CDH22: variants seen among roughly 807,000 people sequenced by gnomAD.
CDH22 encodes cadherin 22.
A neutral mutation model predicts 58.4 loss-of-function variants in CDH22; 30 were observed. The observed-to-expected ratio is 0.51, with a 90% CI of 0.38 to 0.70. The LOEUF is 0.70. Ranked by LOEUF, CDH22 falls within the 30% of genes least tolerant of loss-of-function variation. The pLI, the probability that CDH22 is intolerant of heterozygous loss-of-function variation, is 0.00. For missense variants in CDH22, 1,014 were observed against 1,233.9 expected (o/e 0.82, Z 2.67); for synonymous variants, 513 against 558.2 (o/e 0.92, Z 1.14).
chr20:46,210,299 G>C lies in CDH22; in HGVS notation c.1286+8C>G, dbSNP rs1412708613. On this transcript the variant is annotated splice_region_variant and intron_variant, in intron 7 of 11. Transcript: ENST00000537909. This position sits in a 1 kb window ranked among gnomAD's most constrained non-coding sequence, Gnocchi z 4.5. Reference sequence around the variant, plus strand: ...GCAGCAGGCGTCGGCCCCGGGCGGGGGTCTCACCGGACGGGCCGGTTGGCG... The same window carrying C: ...GCAGCAGGCGTCGGCCCCGGGCGGGCGTCTCACCGGACGGGCCGGTTGGCG... 2 of 1,413,284 alleles carry C rather than the reference G, an allele frequency of 1.4e-6. No homozygotes were observed. Among genetic ancestry groups the C allele is most frequent in the African/African-American group, 3.0e-5 (2 of 66,250 alleles). 87.5% of individuals were successfully genotyped at this position (1,413,284 alleles called of 1,614,324 possible). A position where few individuals can be genotyped will look rare whatever the true frequency, so the allele number is the denominator to read the frequency against.
At chr20:46,307,927 C>T (rs1330994228) in intron 1 of CDH22, among the ~76,000 whole-genome samples, 1 of 151,906 alleles carries the variant, frequency 6.6e-6, no homozygotes, top group Non-Finnish European at 1.5e-5. Flanking sequence ...GCTGCCACCC[C>T]TCGGCCCGCG....
intron 7 of CDH22, among the ~76,000 whole-genome samples, chr20:46,200,737 C>G (rs1176230555): frequency 6.6e-6 from 1 of 152,130 alleles, no homozygotes; most frequent in East Asian, 1.9e-4. Context: ...ATGGTTCGAA[C>G]CGGGAAGTGG....
chr20:46,227,165 G>C (rs1053226234), intron 4 of CDH22, among the ~76,000 whole-genome samples: 1 of 152,122 alleles, frequency 6.6e-6, no homozygotes, highest in Non-Finnish European at 1.5e-5. Context: ...GAGCTCAAAC[G>C]CCTGCTTCAA....
intron 1 of CDH22, among the ~76,000 whole-genome samples, chr20:46,280,814 A>G (rs1253689008): frequency 1.3e-5 from 2 of 152,164 alleles, no homozygotes; most frequent in African/African-American, 4.8e-5. Context: ...AGTGAATGTT[A>G]TGTCCTGCTC....
At chr20:46,224,316 G>A (rs1838896847) in intron 4 of CDH22, among the ~76,000 whole-genome samples, 1 of 152,188 alleles carries the variant, frequency 6.6e-6, no homozygotes, top group South Asian at 2.1e-4. Context: ...AGCATTCCTA[G>A]TGCCTAGCAC....
chr20:46,222,435 C>A (rs949441918), intron 4 of CDH22, among the ~76,000 whole-genome samples: 1 of 152,230 alleles, frequency 6.6e-6, no homozygotes, highest in East Asian at 1.9e-4. Flanking sequence ...ATCCTGACCC[C>A]AGGATCTGGC....
chr20:46,301,583 G>C (rs920079076), intron 1 of CDH22, among the ~76,000 whole-genome samples: 1 of 151,894 alleles, frequency 6.6e-6, no homozygotes, highest in African/African-American at 2.4e-5. Flanking sequence ...GGCCAAGGAG[G>C]GTGGACCACC....
intron 3 of CDH22, among the ~76,000 whole-genome samples, chr20:46,229,494 C>A (rs997736042): frequency 6.6e-6 from 1 of 152,170 alleles, no homozygotes; most frequent in Admixed American, 6.5e-5. Flanking sequence ...GGCACTGCCA[C>A]TTATTAGAAG....
chr20:46,207,387 C>T (rs373828352), intron 7 of CDH22, among the ~76,000 whole-genome samples: 1 of 152,118 alleles, frequency 6.6e-6, no homozygotes, highest in Non-Finnish European at 1.5e-5. Flanking sequence ...CCTCCCGCTC[C>T]GTGTTCTTAC....
chr20:46,222,289 A>G (rs1451633314), intron 4 of CDH22, among the ~76,000 whole-genome samples: 1 of 152,184 alleles, frequency 6.6e-6, no homozygotes, highest in African/African-American at 2.4e-5. Context: ...GCACACAGCA[A>G]GTGCTCAAAT....
At chr20:46,231,111 C>A (rs1328775422) in intron 3 of CDH22, among the ~76,000 whole-genome samples, 1 of 152,182 alleles carries the variant, frequency 6.6e-6, no homozygotes, top group African/African-American at 2.4e-5. Context: ...AGAAGTAGAG[C>A]TGGGACTGGT....
chr20:46,247,810 G>A lies in CDH22; in HGVS notation c.255+3230C>T, dbSNP rs559959248. Among the ~76,000 whole-genome samples the A allele has an allele frequency of 3.9e-5, 6 of 152,338 alleles. No homozygotes were observed. The South Asian group carries it at 8.3e-4, about 21-fold the overall frequency. On this transcript the variant is annotated intron_variant, in intron 2 of 11. Transcript: ENST00000537909. ...TGTACATTGGGCAAATATTTGCTAA[G>A]AGATGGAAACTTCTTCTCCCTCCCT... is the stretch of plus-strand genomic sequence containing the variant.
At chr20:46,304,256 AC>A (rs2145788508) in intron 1 of CDH22, among the ~76,000 whole-genome samples, 1 of 152,300 alleles carries the variant, frequency 6.6e-6, no homozygotes, top group South Asian at 2.1e-4. Context: ...TGCTGCATTT[AC>A]CCCATGGGAA....
intron 1 of CDH22, among the ~76,000 whole-genome samples, chr20:46,282,782 C>T (rs898602806): frequency 6.6e-6 from 1 of 152,130 alleles, no homozygotes; most frequent in South Asian, 2.1e-4. Context: ...GTGATTGCCC[C>T]TCCCCCATAC....
intron 1 of CDH22, among the ~76,000 whole-genome samples, chr20:46,282,099 C>T (rs547402158): frequency 1.3e-5 from 2 of 152,230 alleles, no homozygotes; most frequent in African/African-American, 4.8e-5. Context: ...CCAAAGATAC[C>T]GATACTGATG....
intron 10 of CDH22, among the ~76,000 whole-genome samples, chr20:46,181,752 C>CTTCCTTCCTTCGTTCG: frequency 3.8e-5 from 1 of 26,272 alleles, no homozygotes; most frequent in Non-Finnish European, 8.3e-5. Context: ...TCCTTCCTTC[C>CTTCCTTCCTTCGTTCG]TTCTTTCTTT....
chr20:46,195,738 G>A (rs896675916), intron 8 of CDH22, among the ~76,000 whole-genome samples: 3 of 151,334 alleles, frequency 2.0e-5, no homozygotes, highest in Admixed American at 6.7e-5. Flanking sequence ...ATTACAAAAC[G>A]TTAAAGATAA....
At chr20:46,202,510 C>T (rs556542266) in intron 7 of CDH22, among the ~76,000 whole-genome samples, 2 of 152,118 alleles carry the variant, frequency 1.3e-5, no homozygotes, top group South Asian at 2.1e-4. Context: ...CCCGCCACCA[C>T]GCCCGGCTAA....
Position 46,251,410 on chromosome 20 carries a change from G to C in CDH22, c.-116C>G, listed in dbSNP as rs890873445. 2 of 1,204,588 alleles carry C rather than the reference G, an allele frequency of 1.7e-6. No homozygotes were observed. Among genetic ancestry groups the C allele is most frequent in the Non-Finnish European group, 2.1e-6 (2 of 936,958 alleles). The allele number at this position is 1,204,588 out of a possible 1,614,324, so 74.6% of individuals were successfully genotyped here. A position where few individuals can be genotyped will look rare whatever the true frequency, so the allele number is the denominator to read the frequency against. ...ACATGGTGGCCTCAGCGCGGCCGCCGGGATGTCGCCCCCGACGGGGCACCC... is the reference window on the plus strand; with the variant it reads ...ACATGGTGGCCTCAGCGCGGCCGCCCGGATGTCGCCCCCGACGGGGCACCC... On this transcript the variant is annotated 5_prime_UTR_variant, in exon 2 of 12. Transcript: ENST00000537909. This position sits in a 1 kb window ranked among gnomAD's most constrained non-coding sequence, Gnocchi z 6.7.
Sources: gnomAD v4.1 joint callset for allele counts (sites outside exome capture counted in the v4.1 genomes callset) on GRCh38, gnomAD v4.1.1 for gene constraint, Gnocchi (gnomAD v3.1) non-coding constraint, MANE v1.5 for transcripts, NCBI Gene and HGNC (gene_info 2026-07-23, HGNC 2026-07-21) for gene names.